XXYLT1: variants seen among roughly 807,000 people sequenced by gnomAD.
XXYLT1 encodes UDP-xylose:alpha-xyloside alpha-1,3-xylosyltransferase.
A neutral mutation model predicts 28.9 loss-of-function variants in XXYLT1; 20 were observed. That is an observed-to-expected ratio of 0.69 (90% CI 0.49 to 1.00). The LOEUF is 1.00. Among genes scored for constraint, XXYLT1 ranks in the 50% least tolerant of loss-of-function variants. The pLI is 0.00. For synonymous variants in XXYLT1, 257 were observed against 253.8 expected, an observed-to-expected ratio of 1.01 and a Z score of -0.12; for missense variants, 542 against 560.1, an observed-to-expected ratio of 0.97 and a Z score of 0.33.
chr3:195,162,502 G>A (rs1325691965), intron 2 of XXYLT1, among the ~76,000 whole-genome samples: 2 of 152,208 alleles, frequency 1.3e-5, no homozygotes, highest in Non-Finnish European at 2.9e-5. Context: ...TATATTCGCT[G>A]TACAACAAAC....
chr3:195,184,251 G>A (rs183253035), intron 2 of XXYLT1, among the ~76,000 whole-genome samples: 3 of 152,286 alleles, frequency 2.0e-5, no homozygotes, highest in East Asian at 3.9e-4. Flanking sequence ...GGACAAGCTT[G>A]GCAATTGCTT....
intron 2 of XXYLT1, among the ~76,000 whole-genome samples, chr3:195,222,682 C>T (rs150039036): frequency 9.2e-5 from 14 of 152,206 alleles, no homozygotes; most frequent in African/African-American, 3.4e-4. Flanking sequence ...GGTTCATCTA[C>T]TCAATAAAAC....
intron 3 of XXYLT1, among the ~76,000 whole-genome samples, chr3:195,135,576 T>C (rs928286728): frequency 2.0e-5 from 3 of 152,038 alleles, no homozygotes; most frequent in Admixed American, 1.3e-4. Flanking sequence ...CGGAACACAG[T>C]CCCTAGGCCT....
chr3:195,084,324 C>T (rs1034334937), intron 3 of XXYLT1, among the ~76,000 whole-genome samples: 1 of 152,038 alleles, frequency 6.6e-6, no homozygotes, highest in African/African-American at 2.4e-5. Flanking sequence ...CTCCCTGCCC[C>T]AGGGATACTT....
intron 3 of XXYLT1, among the ~76,000 whole-genome samples, chr3:195,096,412 C>T (rs892280474): frequency 6.6e-6 from 1 of 152,214 alleles, no homozygotes; most frequent in Admixed American, 6.5e-5. Flanking sequence ...AACACACACA[C>T]GTATATATAC....
At chr3:195,127,678 G>A (rs761395449) in intron 3 of XXYLT1, among the ~76,000 whole-genome samples, 1 of 152,130 alleles carries the variant, frequency 6.6e-6, no homozygotes, top group Non-Finnish European at 1.5e-5. Flanking sequence ...TTGGGAGGCT[G>A]AGGCAGGAGG....
At chr3:195,264,713 G>A (rs1262331228) in intron 1 of XXYLT1, among the ~76,000 whole-genome samples, 1 of 152,178 alleles carries the variant, frequency 6.6e-6, no homozygotes, top group Non-Finnish European at 1.5e-5. Flanking sequence ...TCTGGCACAG[G>A]ATATGCACTT....
At chr3:195,151,646 GATT>G (rs535641030) in intron 3 of XXYLT1, among the ~76,000 whole-genome samples, 2 of 151,590 alleles carry the variant, frequency 1.3e-5, no homozygotes, top group African/African-American at 4.9e-5. Flanking sequence ...ATAAATAAAC[GATT>G]ATTTATAAAC....
intron 3 of XXYLT1, among the ~76,000 whole-genome samples, chr3:195,149,899 G>A (rs62290356): frequency 0.19 from 29,619 of 152,202 alleles, 3,177 homozygotes; most frequent in East Asian, 0.44. Context: ...AGCTAGCTGC[G>A]AGGAAGCCGG....
chr3:195,260,964 C>G (rs971618066), intron 1 of XXYLT1, among the ~76,000 whole-genome samples: 1 of 152,332 alleles, frequency 6.6e-6, no homozygotes, highest in African/African-American at 2.4e-5. Context: ...GGCTACAGCC[C>G]TGCCCTCATC....
intron 3 of XXYLT1, among the ~76,000 whole-genome samples, chr3:195,070,756 C>T (rs757971397): frequency 2.0e-4 from 31 of 152,206 alleles, no homozygotes; most frequent in Non-Finnish European, 3.7e-4. Flanking sequence ...CCAAGCCTGG[C>T]ACTTCAGAAA....
At chr3:195,157,279 C>T (rs1367313554) in intron 2 of XXYLT1, among the ~76,000 whole-genome samples, 1 of 148,464 alleles carries the variant, frequency 6.7e-6, no homozygotes, top group East Asian at 2.0e-4. Flanking sequence ...CTCAAAGCAT[C>T]CAGGTGTTTC....
At chr3:195,169,651 GC>G (rs761207467) in intron 2 of XXYLT1, among the ~76,000 whole-genome samples, 5 of 151,392 alleles carry the variant, frequency 3.3e-5, no homozygotes, top group African/African-American at 7.3e-5. Flanking sequence ...TTGGGCTATA[GC>G]CCCCCCCATA....
chr3:195,113,203 C>T (rs931304463), intron 3 of XXYLT1, among the ~76,000 whole-genome samples: 4 of 152,144 alleles, frequency 2.6e-5, no homozygotes, highest in South Asian at 4.1e-4. Flanking sequence ...AGGATGGAGC[C>T]GCCTCAGGAA....
intron 2 of XXYLT1, among the ~76,000 whole-genome samples, chr3:195,193,201 T>A (rs1722493053): frequency 6.6e-6 from 1 of 150,462 alleles, no homozygotes; most frequent in African/African-American, 2.5e-5. Context: ...GGCAAGAGAA[T>A]CGCTTGAACC....
Position 195,163,645 on chromosome 3 carries a change from G to A in XXYLT1, c.653-7064C>T, listed in dbSNP as rs942575149. Among the ~76,000 whole-genome samples, 7 of 152,238 alleles carry A rather than the reference G, an allele frequency of 4.6e-5. No individual in the cohort carries two copies. In the South Asian group the frequency reaches 1.4e-3, roughly 31 times the overall value. ...AACCCTAGGGGGCAGGTGCATCCATGTGGACTGGGTTTAACTGCATATCAC... is the reference window on the plus strand; with the variant it reads ...AACCCTAGGGGGCAGGTGCATCCATATGGACTGGGTTTAACTGCATATCAC... On this transcript the variant is annotated intron_variant, in intron 2 of 3. Transcript: ENST00000310380.
chr3:195,255,539 C>T lies in XXYLT1; in HGVS notation c.504+15016G>A, dbSNP rs1343086722. Among the ~76,000 whole-genome samples the T allele has an allele frequency of 6.6e-6, 1 of 151,760 alleles. No individual in the cohort carries two copies. Among genetic ancestry groups the T allele is most frequent in the African/African-American group, 2.4e-5 (1 of 41,438 alleles). On this transcript the variant is annotated intron_variant, in intron 1 of 3. Transcript: ENST00000310380. This position sits in a 1 kb window ranked among gnomAD's most constrained non-coding sequence, Gnocchi z 4.5. The stretch of plus-strand genomic sequence containing the variant: ...CCTTTCATTGTCCACAAAACACAGA[C>T]GACTGCAGGGAGTCACAAGTGGGTG...
intron 3 of XXYLT1, among the ~76,000 whole-genome samples, chr3:195,117,306 AAAGT>A (rs1270771982): frequency 6.6e-6 from 1 of 152,228 alleles, no homozygotes; most frequent in Admixed American, 6.5e-5. Context: ...GAATGCCATC[AAAGT>A]AAGAATGTTG....
intron 3 of XXYLT1, 54 bp from the exon 4 acceptor site, chr3:195,070,165 G>C: frequency 6.7e-7 from 1 of 1,499,748 alleles, no homozygotes; most frequent in Non-Finnish European, 8.8e-7. Context: ...CAGCCTGCCG[G>C]CCTGCTGCCC....
Sources: allele counts gnomAD v4.1 joint callset (sites outside exome capture counted in the v4.1 genomes callset), GRCh38; gene constraint gnomAD v4.1.1; non-coding constraint Gnocchi (gnomAD v3.1); transcripts MANE v1.5; gene names NCBI Gene and HGNC (gene_info 2026-07-23, HGNC 2026-07-21).